SORCS3: variants seen among roughly 807,000 people sequenced by gnomAD.
The protein encoded by SORCS3 is sortilin related VPS10 domain containing receptor 3.
SORCS3 carries 57 observed loss-of-function variants against 146.3 expected under a neutral mutation model. The ratio of observed to expected loss-of-function variants is 0.39; its 90% CI spans 0.31 to 0.49. The LOEUF is 0.49. Ranked by LOEUF, SORCS3 falls within the 20% of genes least tolerant of loss-of-function variation. The probability of loss-of-function intolerance (pLI) is 0.92; values close to 1 mark genes in which losing one functional copy is unlikely to be tolerated. For missense variants in SORCS3, 1,341 were observed against 1,575.5 expected (o/e 0.85, Z 2.52); for synonymous variants, 653 against 618.5 (o/e 1.06, Z -0.83).
chr10:104,890,676 G>A (rs746286514), intron 2 of SORCS3, among the ~76,000 whole-genome samples: 27 of 152,074 alleles, frequency 1.8e-4, no homozygotes, highest in Admixed American at 3.3e-4. Flanking sequence ...TTTCTGACCT[G>A]GTTTTCAGTA....
intron 20 of SORCS3, among the ~76,000 whole-genome samples, chr10:105,242,260 AT>A (rs1564793196): frequency 7.1e-6 from 1 of 140,192 alleles, no homozygotes; most frequent in East Asian, 2.0e-4. Context: ...TTATACATAT[AT>A]TTATATATAT....
At chr10:104,736,567 T>C (rs2016775660) in intron 1 of SORCS3, among the ~76,000 whole-genome samples, 1 of 152,212 alleles carries the variant, frequency 6.6e-6, no homozygotes, top group African/African-American at 2.4e-5. Context: ...GATATTATTG[T>C]CAGCATCCCC....
At chr10:105,058,195 G>A (rs901166769) in intron 5 of SORCS3, among the ~76,000 whole-genome samples, 1 of 152,200 alleles carries the variant, frequency 6.6e-6, no homozygotes, top group African/African-American at 2.4e-5. Flanking sequence ...GGAGACTGAA[G>A]CATTGAAAAG....
intron 3 of SORCS3, 36 bp from the exon 4 acceptor site, chr10:104,977,299 A>G: frequency 6.6e-7 from 1 of 1,519,330 alleles, no homozygotes; most frequent in East Asian, 2.3e-5. Flanking sequence ...TTTCCTACTA[A>G]CTCTGTCTGT....
intron 3 of SORCS3, among the ~76,000 whole-genome samples, chr10:104,921,085 C>T (rs1377874011): frequency 1.3e-5 from 2 of 152,214 alleles, no homozygotes; most frequent in African/African-American, 4.8e-5. Flanking sequence ...AGAGGAGTGG[C>T]TCCATTATGG....
In SORCS3 at chr10:104,941,163, A is replaced by T. The variant is rs189087508; in HGVS notation, c.795+25231A>T. Among the ~76,000 whole-genome samples, 3 of 152,240 alleles carry T rather than the reference A, an allele frequency of 2.0e-5. No homozygotes were observed. In the East Asian group the frequency reaches 5.8e-4, roughly 30 times the overall value. On this transcript the variant is annotated intron_variant, in intron 3 of 26. Coordinates refer to ENST00000369701, the MANE Select transcript of SORCS3 (RefSeq NM_014978.3). ...CACATCTTGGTTTTGGCAGGTTTTG[A>T]CCAGCTTCTTTATTGCATCCTGCTT...
chr10:105,115,536 A>T (rs1053561202), intron 7 of SORCS3, among the ~76,000 whole-genome samples: 2 of 152,188 alleles, frequency 1.3e-5, no homozygotes, highest in African/African-American at 4.8e-5. Context: ...CTTCCCACAT[A>T]GCTTCCATGG....
At chr10:104,736,745 C>T (rs2016777940) in intron 1 of SORCS3, among the ~76,000 whole-genome samples, 1 of 149,364 alleles carries the variant, frequency 6.7e-6, no homozygotes, top group Non-Finnish European at 1.5e-5. Flanking sequence ...CTTTCTTTGA[C>T]TTCTTCTTTT....
At chr10:104,760,711 A>G (rs942540096) in intron 1 of SORCS3, among the ~76,000 whole-genome samples, 2 of 152,334 alleles carry the variant, frequency 1.3e-5, no homozygotes, top group Middle Eastern at 3.4e-3. Context: ...TGTGATGGCA[A>G]TATGACGTGA....
intron 8 of SORCS3, among the ~76,000 whole-genome samples, chr10:105,141,000 A>G (rs1999492): frequency 0.51 from 77,394 of 152,042 alleles, 19,990 homozygotes; most frequent in Admixed American, 0.55. Flanking sequence ...TACAGTAACC[A>G]GAAGGTCTCC....
chr10:104,911,505 C>A (rs920527737), intron 2 of SORCS3, among the ~76,000 whole-genome samples: 5 of 152,156 alleles, frequency 3.3e-5, no homozygotes, highest in African/African-American at 7.2e-5. Flanking sequence ...TATTTGGATT[C>A]GGGAAGGAAG....
chr10:105,219,020 A>T (rs541863635), intron 19 of SORCS3, among the ~76,000 whole-genome samples: 11 of 152,092 alleles, frequency 7.2e-5, no homozygotes, highest in Non-Finnish European at 1.5e-4. Flanking sequence ...GTCTCAAAAA[A>T]AAATATATAT....
chr10:105,257,316 A>T (rs1016506610), intron 25 of SORCS3, among the ~76,000 whole-genome samples: 2 of 152,152 alleles, frequency 1.3e-5, no homozygotes, highest in Non-Finnish European at 2.9e-5. Flanking sequence ...CTAAAATTTG[A>T]TACATACATG....
At chr10:105,156,348 T>C (rs1252641542) in intron 9 of SORCS3, among the ~76,000 whole-genome samples, 3 of 152,214 alleles carry the variant, frequency 2.0e-5, no homozygotes, top group Non-Finnish European at 4.4e-5. Flanking sequence ...ATATAAGGAA[T>C]AAAAGTTTGA....
intron 5 of SORCS3, among the ~76,000 whole-genome samples, chr10:105,064,141 T>C (rs903575274): frequency 6.6e-6 from 1 of 152,230 alleles, no homozygotes; most frequent in Admixed American, 6.5e-5. Context: ...GTCTCTGCCC[T>C]CTTAGCACTT....
In SORCS3 at chr10:105,176,585, G is replaced by A. The variant is rs565121040; in HGVS notation, c.1902-1481G>A. 1.2e-4 allele frequency among the ~76,000 whole-genome samples: 18 copies of A among 152,112 alleles called. No individual in the cohort carries two copies. The East Asian group carries it at 3.3e-3, about 28-fold the overall frequency. On this transcript the variant is annotated intron_variant, in intron 13 of 26. Coordinates refer to ENST00000369701, the MANE Select transcript of SORCS3 (RefSeq NM_014978.3). ...AAAACAAAAAACATGGCCAGGCACG[G>A]TGGCTCATGCCTATAATCCCAGCAT...
At chr10:104,990,150 G>A (rs2054984949) in intron 4 of SORCS3, among the ~76,000 whole-genome samples, 1 of 152,166 alleles carries the variant, frequency 6.6e-6, no homozygotes, top group African/African-American at 2.4e-5. Context: ...GGAATTAGGG[G>A]CAGCCTTAGC....
At chr10:105,118,241 T>G (rs1280110632) in intron 7 of SORCS3, among the ~76,000 whole-genome samples, 2 of 152,022 alleles carry the variant, frequency 1.3e-5, no homozygotes, top group Non-Finnish European at 2.9e-5. Flanking sequence ...GATCTGATGG[T>G]TTTTTAAGGG....
intron 3 of SORCS3, among the ~76,000 whole-genome samples, chr10:104,927,847 C>T (rs549895653): frequency 4.0e-5 from 6 of 150,956 alleles, no homozygotes; most frequent in African/African-American, 1.5e-4. Context: ...CATTGCACTC[C>T]AGCCTGGGCA....
Sources: gnomAD v4.1 joint callset for allele counts (sites outside exome capture counted in the v4.1 genomes callset) on GRCh38, gnomAD v4.1.1 for gene constraint, MANE v1.5 for transcripts, NCBI Gene and HGNC (gene_info 2026-07-23, HGNC 2026-07-21) for gene names.